Variants in PHTF2 observed in about 807,000 individuals in gnomAD.
PHTF2 encodes protein PHTF2.
PHTF2 carries 60 observed loss-of-function variants against 101.2 expected under a neutral mutation model. The ratio of observed to expected loss-of-function variants is 0.59; its 90% CI spans 0.48 to 0.73. PHTF2 has a LOEUF of 0.73. Among genes scored for constraint, PHTF2 ranks in the 30% least tolerant of loss-of-function variants. The pLI is 0.00. For synonymous variants in PHTF2, 311 were observed against 307.3 expected (o/e 1.01, Z -0.13); for missense variants, 747 against 908.7 (o/e 0.82, Z 2.29).
In PHTF2 at chr7:77,891,425, GGAC is replaced by G. The variant is rs1482534174; in HGVS notation, c.148-2182_148-2180del. ...TCACCGCAGGTCACCTCTACCATTAGGACTAACCAGTTGGTTGTTGTTTACCTA... is the reference window on the plus strand; with the variant it reads ...TCACCGCAGGTCACCTCTACCATTAGTAACCAGTTGGTTGTTGTTTACCTA... On this transcript the variant is annotated intron_variant, in intron 3 of 19. Coordinates refer to ENST00000416283, the Ensembl canonical transcript of PHTF2. Among the ~76,000 whole-genome samples, 1,300 of 152,184 alleles carry G rather than the reference GGAC, an allele frequency of 8.5e-3. 20 individuals are homozygous for G. Among genetic ancestry groups the G allele is most frequent in the African/African-American group, 0.03 (1,226 of 41,498 alleles).
intron 7 of PHTF2, among the ~76,000 whole-genome samples, chr7:77,906,068 A>G (rs752632384): frequency 1.3e-5 from 2 of 151,980 alleles, no homozygotes; most frequent in East Asian, 1.9e-4. Context: ...GTTCACTGCA[A>G]CCTCCACCTC....
intron 3 of PHTF2, among the ~76,000 whole-genome samples, chr7:77,882,677 G>A (rs921673086): frequency 1.3e-5 from 2 of 152,124 alleles, no homozygotes; most frequent in Non-Finnish European, 2.9e-5. Flanking sequence ...TCTATGGTTT[G>A]GCCTTTCATT....
intron 3 of PHTF2, among the ~76,000 whole-genome samples, chr7:77,893,102 T>A (rs1268273091): frequency 1.3e-5 from 2 of 152,208 alleles, no homozygotes; most frequent in African/African-American, 2.4e-5. Flanking sequence ...AAAAGTTTTT[T>A]AATTTTTATT....
At chr7:77,944,923 G>T (rs1474659046) in intron 16 of PHTF2, among the ~76,000 whole-genome samples, 1 of 152,222 alleles carries the variant, frequency 6.6e-6, no homozygotes, top group Admixed American at 6.5e-5. Flanking sequence ...ATTAAAGAAA[G>T]CTAAAGACAT....
chr7:77,876,936 G>A (rs182747472), intron 3 of PHTF2, among the ~76,000 whole-genome samples: 3 of 152,214 alleles, frequency 2.0e-5, no homozygotes, highest in East Asian at 3.9e-4. Context: ...TTTGAATTGA[G>A]TAATGTTAAA....
rs1367197475 is a variant in PHTF2 at position 77,910,410 on chromosome 7, G to A, written c.776+1G>A. ...GGCATGCTGCTTTCTTTTTATCAGGGTTTGTATTTATTTAAGGTTTTATAT... is the reference window on the plus strand; with the variant it reads ...GGCATGCTGCTTTCTTTTTATCAGGATTTGTATTTATTTAAGGTTTTATAT... On this transcript the variant is annotated splice_donor_variant, in intron 9 of 19. Coordinates refer to ENST00000416283, the Ensembl canonical transcript of PHTF2. LOFTEE classifies it high-confidence loss of function. The A allele has an allele frequency of 1.2e-6, 2 of 1,610,200 alleles. No homozygotes were observed. The highest frequency in any genetic ancestry group is 1.7e-6 in the Non-Finnish European group (2 of 1,178,062).
chr7:77,819,096 C>T (rs1302046776), intron 1 of PHTF2, among the ~76,000 whole-genome samples: 3 of 152,082 alleles, frequency 2.0e-5, no homozygotes, highest in Non-Finnish European at 4.4e-5. Flanking sequence ...CTGTATCTTG[C>T]AATTATACTG....
chr7:77,826,962 T>A (rs1302955842), intron 1 of PHTF2, among the ~76,000 whole-genome samples: 1 of 152,138 alleles, frequency 6.6e-6, no homozygotes, highest in Non-Finnish European at 1.5e-5. Context: ...CTTAAAAGAA[T>A]CGGGGGTGAT....
intron 11 of PHTF2, among the ~76,000 whole-genome samples, chr7:77,928,826 C>T (rs1160868164): frequency 1.3e-5 from 2 of 152,172 alleles, no homozygotes; most frequent in African/African-American, 4.8e-5. Context: ...TCTCTGCCTA[C>T]CTGAGTTGTG....
exon 14 of PHTF2, chr7:77,940,221 TATA>T (rs1375132289): frequency 3.7e-6 from 6 of 1,613,720 alleles, no homozygotes; most frequent in Non-Finnish European, 5.1e-6. Context: ...TTTCTATGGT[TATA>T]ATAAGTTTTG....
intron 1 of PHTF2, among the ~76,000 whole-genome samples, chr7:77,825,549 G>A (rs1435988408): frequency 6.6e-6 from 1 of 152,176 alleles, no homozygotes; most frequent in Non-Finnish European, 1.5e-5. Context: ...ATCAGTCTTG[G>A]TACAGGACAT....
chr7:77,923,827 T>C, intron 11 of PHTF2: 1 of 985,292 alleles, frequency 1.0e-6, no homozygotes, highest in Non-Finnish European at 1.2e-6. Context: ...TCTCACTCCA[T>C]GATCTTGGCT....
At chr7:77,920,282 A>G in exon 10 of PHTF2, 1 of 1,560,480 alleles carries the variant, frequency 6.4e-7, no homozygotes, top group Admixed American at 1.9e-5. Flanking sequence ...TTTTTAGATC[A>G]AAGAAAGCAA....
intron 2 of PHTF2, among the ~76,000 whole-genome samples, chr7:77,846,547 C>T (rs1796297327): frequency 1.9e-5 from 1 of 53,736 alleles, no homozygotes; most frequent in Admixed American, 1.7e-4. Context: ...CCCTTCCCTT[C>T]CCTCCCCTCC....
intron 1 of PHTF2, among the ~76,000 whole-genome samples, chr7:77,839,235 T>C (rs1795692310): frequency 6.6e-6 from 1 of 152,036 alleles, no homozygotes; most frequent in Non-Finnish European, 1.5e-5. Context: ...CAATAACTGC[T>C]TTTGAACCTG....
At chr7:77,924,740 A>G (rs189420584) in intron 11 of PHTF2, among the ~76,000 whole-genome samples, 2 of 152,214 alleles carry the variant, frequency 1.3e-5, no homozygotes, top group Admixed American at 6.5e-5. Flanking sequence ...AGGGGCATCT[A>G]TTTTTTAGGG....
chr7:77,868,861 A>T (rs1423074240), intron 3 of PHTF2, among the ~76,000 whole-genome samples: 1 of 152,188 alleles, frequency 6.6e-6, no homozygotes, highest in Non-Finnish European at 1.5e-5. Context: ...CTTTTAAATG[A>T]TTTTTGAGAA....
intron 19 of PHTF2, 86 bp downstream of exon 18, chr7:77,953,980 G>T: frequency 2.0e-6 from 2 of 1,012,416 alleles, no homozygotes; most frequent in South Asian, 3.2e-5. Context: ...ACAGTAATGC[G>T]GTCATTTTGG....
chr7:77,872,534 C>G (rs1584548957), intron 3 of PHTF2, among the ~76,000 whole-genome samples: 2 of 152,320 alleles, frequency 1.3e-5, no homozygotes, highest in East Asian at 3.9e-4. Flanking sequence ...GGTAGCCACA[C>G]CCACCTTGCC....
Sources: gnomAD v4.1 joint callset for allele counts (sites outside exome capture counted in the v4.1 genomes callset) on GRCh38, gnomAD v4.1.1 for gene constraint, MANE v1.5 for transcripts, NCBI Gene and HGNC (gene_info 2026-07-23, HGNC 2026-07-21) for gene names.